ZNF419: variants seen among roughly 807,000 people sequenced by gnomAD.
The protein encoded by ZNF419 is zinc finger protein 419.
ZNF419 carries 8 observed loss-of-function variants against 14.9 expected under a neutral mutation model. The observed-to-expected ratio is 0.54, with a 90% confidence interval of 0.32 to 0.97. ZNF419 has a LOEUF of 0.97. Ranked by LOEUF, ZNF419 falls within the 50% of genes least tolerant of loss-of-function variation. ZNF419 has a pLI of 0.04. For missense variants in ZNF419, 595 were observed against 607.2 expected, an observed-to-expected ratio of 0.98 and a Z score of 0.21; for synonymous variants, 211 against 205.3, an observed-to-expected ratio of 1.03 and a Z score of -0.24.
At position 57,494,250 on chromosome 19, in the gene ZNF419, A is replaced by G; in HGVS notation, c.*160A>G. On this transcript the variant is annotated 3_prime_UTR_variant, in exon 5 of 5. Coordinates refer to ENST00000221735, the MANE Select transcript of ZNF419 (RefSeq NM_024691.4). Reference sequence around the variant, plus strand: ...ATGTGGACAATGTAGTGAATATGGAAAAAGGTTTCAGCCAAAGGCCTAACC... The same window carrying G: ...ATGTGGACAATGTAGTGAATATGGAGAAAGGTTTCAGCCAAAGGCCTAACC... 2 of 1,191,210 alleles carry G rather than the reference A, an allele frequency of 1.7e-6. No individual in the cohort carries two copies. Among genetic ancestry groups the G allele is most frequent in the Non-Finnish European group, 2.3e-6 (2 of 874,554 alleles). 73.8% of individuals were successfully genotyped at this position (1,191,210 alleles called of 1,614,324 possible). A position where few individuals can be genotyped will look rare whatever the true frequency, so the allele number is the denominator to read the frequency against.
rs2089551466 is a variant in ZNF419, at chr19:57,493,583, T to G, written c.1026T>G (p.Pro342=). The G allele has an allele frequency of 6.2e-7, 1 of 1,609,150 alleles. No homozygotes were observed. Among genetic ancestry groups the G allele is most frequent in the African/African-American group, 1.3e-5 (1 of 74,788 alleles). The part of the protein sequence containing the change: ...KHQRIHTGER[P]YKCSECGKFY... ...AGAGAATTCACACTGGAGAAAGACCTTATAAGTGCAGTGAATGTGGAAAAT... is the reference window on the plus strand; with the variant it reads ...AGAGAATTCACACTGGAGAAAGACCGTATAAGTGCAGTGAATGTGGAAAAT... The change falls in exon 5 of 5, where the codon CCT becomes CCG. Residue 342 remains proline (P), a synonymous_variant. Transcript: ENST00000221735.
At chr19:57,489,578 C>T (rs2089437547) in intron 1 of ZNF419, 1 of 150,950 alleles carries the variant, frequency 6.6e-6, no homozygotes, top group African/African-American at 2.5e-5. Flanking sequence ...CAACCTCTGC[C>T]TCCCTGGTTC....
chr19:57,493,102 C>T lies in ZNF419; in HGVS notation c.545C>T (p.Thr182Ile). ...GTTCTCAAGCACCAGGTGACTCACA[C>T]AGGAGAGAAGTCACATAGGAGCTCC... ...SGVLKHQVTH[T>I]GEKSHRSSKS... The change falls in exon 5 of 5, where the codon ACA (threonine) becomes ATA (isoleucine). Residue 182 changes from threonine (T) to isoleucine (I), a missense_variant. By Grantham distance (89) the Thr-to-Ile change is moderately conservative. Transcript: ENST00000221735. The T allele has an allele frequency of 6.2e-7, 1 of 1,614,110 alleles. No homozygotes were observed. The highest frequency in any genetic ancestry group is 8.5e-7 in the Non-Finnish European group (1 of 1,179,984).
At position 57,494,346 on chromosome 19, in the gene ZNF419, A is replaced by T. The variant is rs2089580583; in HGVS notation, c.*256A>T. 2.2e-6 allele frequency: 1 copy of T among 445,342 alleles called. No individual in the cohort carries two copies. The allele number at this position is 445,342 out of a possible 1,614,324, so 27.6% of individuals were successfully genotyped here. On this transcript the variant is annotated 3_prime_UTR_variant, in exon 5 of 5. Transcript: ENST00000221735. ...ACAGGTTATGTACTGTCTCTGAATC[A>T]ATATGACCTCACTTAAAACAGAAAC... is the stretch of plus-strand genomic sequence containing the variant.
intron 1 of ZNF419, chr19:57,489,559 T>C (rs2089437343): frequency 6.7e-6 from 1 of 150,156 alleles, no homozygotes; most frequent in Non-Finnish European, 1.5e-5. Flanking sequence ...GTGCAATCTC[T>C]GCTCACTGCA....
Position 57,494,251 on chromosome 19 carries a change from A to G in ZNF419, c.*161A>G. On this transcript the variant is annotated 3_prime_UTR_variant, in exon 5 of 5. Transcript: ENST00000221735. The stretch of plus-strand genomic sequence containing the variant: ...TGTGGACAATGTAGTGAATATGGAA[A>G]AAGGTTTCAGCCAAAGGCCTAACCC... 1 of 1,192,820 alleles carries G rather than the reference A, an allele frequency of 8.4e-7. No individual in the cohort carries two copies. The highest frequency in any genetic ancestry group is 1.1e-6 in the Non-Finnish European group (1 of 876,030). 73.9% of individuals were successfully genotyped at this position (1,192,820 alleles called of 1,614,324 possible).
At chr19:57,492,818 A>G (rs559284778) in intron 4 of ZNF419, 38 bp from the exon 5 acceptor site, 1 of 1,613,526 alleles carries the variant, frequency 6.2e-7, no homozygotes, top group East Asian at 2.2e-5. Flanking sequence ...CTCACACCAA[A>G]GTCTACATTT....
intron 1 of ZNF419, 93 bp from the exon 2 acceptor site, chr19:57,490,054 G>C: frequency 8.2e-7 from 1 of 1,217,678 alleles, no homozygotes. Flanking sequence ...ATTGTAGATA[G>C]TCAGGCACAC....
Position 57,493,260 on chromosome 19 carries a change from G to C in ZNF419, c.703G>C (p.Glu235Gln), listed in dbSNP as rs780613943. The C allele has an allele frequency of 1.2e-5, 20 of 1,614,148 alleles. No individual in the cohort carries two copies. The highest frequency in any genetic ancestry group is 1.6e-5 in the Non-Finnish European group (19 of 1,180,064). ...HAGKKTYECSECGKLFRDMSN... is the reference protein window; with the variant it reads ...HAGKKTYECSQCGKLFRDMSN... ...TGGGAAAAAGACGTATGAATGCAGT[G>C]AATGTGGGAAGTTATTTAGAGATAT... Residue 235 changes from glutamate to glutamine, a missense_variant, in exon 5 of 5, where the codon GAA (glutamate) becomes CAA (glutamine). Coordinates refer to ENST00000221735, the MANE Select transcript of ZNF419 (RefSeq NM_024691.4).
chr19:57,493,168 A>G lies in ZNF419; in HGVS notation c.611A>G (p.Lys204Arg). ...TTTCATGCTGGAAAAAGGCATTACAAATGCAGTGAATGTGGGAAAGCCTTT... is the reference window on the plus strand; with the variant it reads ...TTTCATGCTGGAAAAAGGCATTACAGATGCAGTGAATGTGGGAAAGCCTTT... ...EAFHAGKRHYKCSECGKAFGQ... is the reference protein window; with the variant it reads ...EAFHAGKRHYRCSECGKAFGQ... The change falls in exon 5 of 5, where the codon AAA becomes AGA. Residue 204 changes from lysine to arginine, a missense_variant. Coordinates refer to ENST00000221735, the MANE Select transcript of ZNF419 (RefSeq NM_024691.4). 6.2e-7 allele frequency: 1 copy of G among 1,614,190 alleles called. No homozygotes were observed. Among genetic ancestry groups the G allele is most frequent in the South Asian group, 1.1e-5 (1 of 91,086 alleles).
At chr19:57,491,899 T>C (rs2089494003) in intron 3 of ZNF419, 4 of 652,162 alleles carry the variant, frequency 6.1e-6, no homozygotes, top group South Asian at 1.8e-5. Context: ...GTAGTTCTAT[T>C]CCCCTACATT....
At chr19:57,488,017 C>T in intron 1 of ZNF419, 34 bp downstream of exon 1, 2 of 1,612,820 alleles carry the variant, frequency 1.2e-6, no homozygotes, top group Non-Finnish European at 1.7e-6. Flanking sequence ...TCCCCCGAAT[C>T]CTAAAGCCCT....
chr19:57,492,014 C>G, intron 3 of ZNF419, 99 bp from the exon 4 acceptor site: 1 of 949,982 alleles, frequency 1.1e-6, no homozygotes, highest in East Asian at 2.6e-5. Flanking sequence ...AGACCCTCCT[C>G]CAAGGTTCTT....
At position 57,487,778 on chromosome 19, in the gene ZNF419, T is replaced by C; in HGVS notation, c.-173T>C. On this transcript the variant is annotated 5_prime_UTR_variant, in exon 1 of 5. Transcript: ENST00000221735. ...ATTCACTTTCGCGACTCAGGTGAAC[T>C]AACCTGCGAGAAGCTGGTTGTGCGC... The C allele has an allele frequency of 3.4e-6, 3 of 874,932 alleles. No homozygotes were observed. Among genetic ancestry groups the C allele is most frequent in the East Asian group, 2.6e-5 (1 of 38,626 alleles). The allele number at this position is 874,932 out of a possible 1,614,324, so 54.2% of individuals were successfully genotyped here. A position where few individuals can be genotyped will look rare whatever the true frequency, so the allele number is the denominator to read the frequency against.
At chr19:57,492,671 C>T (rs781600990) in intron 4 of ZNF419, 185 bp from the exon 5 acceptor site, 17 of 872,692 alleles carry the variant, frequency 1.9e-5, no homozygotes, top group Non-Finnish European at 3.3e-5. Context: ...TGAGGCCTCC[C>T]CAAATCCTTG....
At chr19:57,488,120 A>C in intron 1 of ZNF419, 137 bp downstream of exon 1, 1 of 1,361,312 alleles carries the variant, frequency 7.3e-7, no homozygotes, top group Non-Finnish European at 1.0e-6. Flanking sequence ...TGGGGTGGCA[A>C]TGGAGGGCAA....
rs774711232 is a variant in ZNF419 at position 57,487,920 on chromosome 19, G to A, written c.-31G>A. The stretch of plus-strand genomic sequence containing the variant: ...GGCCCGGGCCCTTTCCTCGGTCATT[G>A]TCTCCCCTCCAGCTCTACTCACAGG... On this transcript the variant is annotated 5_prime_UTR_variant, in exon 1 of 5. Coordinates refer to ENST00000221735, the MANE Select transcript of ZNF419 (RefSeq NM_024691.4). 2 of 1,613,776 alleles carry A rather than the reference G, an allele frequency of 1.2e-6. No homozygotes were observed. The highest frequency in any genetic ancestry group is 1.7e-6 in the Non-Finnish European group (2 of 1,179,812).
At chr19:57,490,315 TCA>T (rs2089453608) in intron 2 of ZNF419, 130 bp downstream of exon 2, 1 of 747,802 alleles carries the variant, frequency 1.3e-6, no homozygotes, top group Non-Finnish European at 2.3e-6. Flanking sequence ...TGGAAGATGG[TCA>T]CACACAGTCA....
At chr19:57,492,417 C>T (rs2089509769) in intron 4 of ZNF419, 2 of 782,500 alleles carry the variant, frequency 2.6e-6, no homozygotes, top group African/African-American at 3.4e-5. Context: ...CAGTCATCAG[C>T]AGAACCCTTC....
Sources: gnomAD v4.1 joint callset for allele counts on GRCh38, gnomAD v4.1.1 for gene constraint, MANE v1.5 for transcripts, NCBI Gene and HGNC (gene_info 2026-07-23, HGNC 2026-07-21) for gene names.